Variants in ACOD1 observed in about 807,000 individuals in gnomAD.
ACOD1 encodes the protein aconitate decarboxylase 1, also known as cis-aconitate decarboxylase.
A neutral mutation model predicts 14.2 loss-of-function variants in ACOD1; 14 were observed. The ratio of observed to expected loss-of-function variants is 0.99; its 90% CI spans 0.65 to 1.54. The LOEUF (loss-of-function observed/expected upper bound fraction) is 1.54, where lower values mean the gene tolerates loss of function less well. ACOD1 is among the 40% of genes most tolerant of loss of function. The pLI is 0.00. For synonymous variants in ACOD1, 182 were observed against 221.7 expected, an observed-to-expected ratio of 0.82 and a Z score of 1.59; for missense variants, 530 against 586.3, an observed-to-expected ratio of 0.90 and a Z score of 0.99.
At chr13:76,951,605 T>A (rs1340717984) in intron 1 of ACOD1, among the ~76,000 whole-genome samples, 1 of 152,222 alleles carries the variant, frequency 6.6e-6, no homozygotes, top group African/African-American at 2.4e-5. Context: ...TATCCTTTTT[T>A]TCCTACTAAG....
At position 76,957,945 on chromosome 13, in the gene ACOD1, A is replaced by G; in HGVS notation, c.1406A>G (p.Asn469Ser). 6.5e-7 allele frequency: 1 copy of G among 1,546,532 alleles called. No individual in the cohort carries two copies. The highest frequency in any genetic ancestry group is 8.7e-7 in the Non-Finnish European group (1 of 1,145,730). ...CCCTCTCCACCAGAGGTAGCTTCAA[A>G]CTCTCCAGCATGTAATAATTCTATC... ...KGPSPPEVAS[N>S]SPACNNSITN... The change falls in exon 5 of 5, where the codon AAC becomes AGC. Residue 469 changes from asparagine (N) to serine (S), a missense_variant. Asn to Ser is a conservative substitution (Grantham distance 46, BLOSUM62 1). Coordinates refer to ENST00000377462, the MANE Select transcript of ACOD1 (RefSeq NM_001258406.2).
intron 1 of ACOD1, 90 bp downstream of exon 1, chr13:76,948,660 G>GAACT (rs1270595406): frequency 4.8e-6 from 5 of 1,049,836 alleles, no homozygotes; most frequent in Non-Finnish European, 7.1e-6. Context: ...CTCCTTTTAA[G>GAACT]AACTACCTGC....
chr13:76,957,199 A>G lies in ACOD1; in HGVS notation c.660A>G (p.Glu220=). ...GCAATGCTGCCAAGCATGGGATAGA[A>G]GCTGCATTTTTGGCAATGTTGGGTC... ...HIGNAAKHGI[E]AAFLAMLGLQ... is the part of the protein sequence containing the mutation. The change falls in exon 5 of 5, where the codon GAA becomes GAG. Residue 220 remains glutamate, a synonymous_variant. Transcript: ENST00000377462. The G allele has an allele frequency of 6.4e-7, 1 of 1,550,626 alleles. No individual in the cohort carries two copies. The highest frequency in any genetic ancestry group is 8.7e-7 in the Non-Finnish European group (1 of 1,146,996).
chr13:76,956,773 A>G (rs2033880426), intron 4 of ACOD1, among the ~76,000 whole-genome samples: 1 of 152,182 alleles, frequency 6.6e-6, no homozygotes, highest in African/African-American at 2.4e-5. Flanking sequence ...TTGGCCTCCC[A>G]AAGTCCTGGG....
At chr13:76,955,674 G>A (rs987935241) in intron 4 of ACOD1, 150 bp downstream of exon 4, 10 of 682,164 alleles carry the variant, frequency 1.5e-5, no homozygotes, top group East Asian at 1.1e-4. Context: ...AGTCACATAC[G>A]AAACCCTCTA....
chr13:76,951,544 G>C (rs998536563), intron 1 of ACOD1, among the ~76,000 whole-genome samples: 1 of 140,056 alleles, frequency 7.1e-6, no homozygotes, highest in Non-Finnish European at 1.5e-5. Flanking sequence ...TCAATGAATA[G>C]AACATTGATT....
chr13:76,956,961 C>A, intron 4 of ACOD1, 49 bp from the exon 5 acceptor site: 5 of 1,500,688 alleles, frequency 3.3e-6, no homozygotes, highest in Non-Finnish European at 4.5e-6. Flanking sequence ...ATCCTGCCTC[C>A]TGGTGGTTAC....
Position 76,955,562 on chromosome 13 carries a change from T to A in ACOD1, c.470+38T>A, listed in dbSNP as rs1013262746. 1.0e-5 allele frequency: 15 copies of A among 1,504,324 alleles called. No individual in the cohort carries two copies. In the African/African-American group the frequency reaches 2.1e-4, roughly 21 times the overall value. The allele number at this position is 1,504,324 out of a possible 1,614,324, so 93.2% of individuals were successfully genotyped here. ...TTTGCCCCATCAAAAGGTAGTCACA[T>A]CCCCTTCATCTATCAATCATTATCT... On this transcript the variant is annotated intron_variant, in intron 4 of 4. Coordinates refer to ENST00000377462, the MANE Select transcript of ACOD1 (RefSeq NM_001258406.2).
chr13:76,952,722 C>T (rs1295639161), intron 2 of ACOD1, 72 bp downstream of exon 2: 17 of 1,297,600 alleles, frequency 1.3e-5, no homozygotes, highest in Middle Eastern at 2.4e-4. Context: ...CTCTATACTT[C>T]GTTTTATAGA....
In ACOD1 at chr13:76,957,636, T is replaced by C. The variant is rs1453284054; in HGVS notation, c.1097T>C (p.Leu366Pro). 1.9e-6 allele frequency: 3 copies of C among 1,550,608 alleles called. No individual in the cohort carries two copies. The highest frequency in any genetic ancestry group is 8.7e-7 in the Non-Finnish European group (1 of 1,147,004). ...AACAGGCCACAGGTGAGAGAGCTGC[T>C]CAGTAAGGTGGAGCTGGAGTACCCT... ...QINRPQVREL[L>P]SKVELEYPPD... The change falls in exon 5 of 5, where the codon CTC (leucine) becomes CCC (proline). Residue 366 changes from leucine to proline, a missense_variant. Coordinates refer to ENST00000377462, the MANE Select transcript of ACOD1 (RefSeq NM_001258406.2).
chr13:76,957,527 GC>G lies in ACOD1; in HGVS notation c.991del (p.Arg331ValfsTer32). 6.4e-7 allele frequency: 1 copy of G among 1,550,622 alleles called. No homozygotes were observed. Reference sequence around the variant, plus strand: ...GCCCTTTCCAGTTTCGGAGCATGAAGCCCGTCATTCATTCCAGTATGTGGCC... The same window carrying G: ...GCCCTTTCCAGTTTCGGAGCATGAAGCCGTCATTCATTCCAGTATGTGGCC... ...NRPFPVSEHE[A>X]RHSFQYVACA... On this transcript the variant is annotated frameshift_variant, in exon 5 of 5. Coordinates refer to ENST00000377462, the MANE Select transcript of ACOD1 (RefSeq NM_001258406.2). LOFTEE classifies it low-confidence loss of function (END_TRUNC).
chr13:76,956,050 G>A (rs868668605), intron 4 of ACOD1, among the ~76,000 whole-genome samples: 8 of 152,200 alleles, frequency 5.3e-5, no homozygotes, highest in African/African-American at 1.9e-4. Flanking sequence ...CAGTGACTTA[G>A]ATGAGATCTC....
intron 1 of ACOD1, among the ~76,000 whole-genome samples, chr13:76,950,029 T>C (rs1425356520): frequency 6.6e-6 from 1 of 151,996 alleles, no homozygotes; most frequent in African/African-American, 2.4e-5. Context: ...AAATAGCCCA[T>C]CCTTTTGAAA....
intron 1 of ACOD1, among the ~76,000 whole-genome samples, chr13:76,949,069 C>A (rs2033798062): frequency 6.6e-6 from 1 of 152,022 alleles, no homozygotes; most frequent in South Asian, 2.1e-4. Context: ...AGATCGACAC[C>A]ATGCTCGCTA....
chr13:76,957,334 C>T lies in ACOD1; in HGVS notation c.795C>T (p.Asp265=), dbSNP rs2033888144. The T allele has an allele frequency of 6.4e-7, 1 of 1,550,642 alleles. No individual in the cohort carries two copies. Residue 265 remains aspartate (D), a synonymous_variant, in exon 5 of 5, where the codon GAC becomes GAT. Transcript: ENST00000377462. ...PSIASYSWLL[D]QQDVAFKRFP... The stretch of plus-strand genomic sequence containing the variant: ...TAGCTTCCTACAGTTGGCTGCTGGA[C>T]CAGCAGGACGTGGCCTTTAAGCGTT...
At chr13:76,948,648 C>A in intron 1 of ACOD1, 78 bp downstream of exon 1, 2 of 1,232,558 alleles carry the variant, frequency 1.6e-6, no homozygotes, top group Non-Finnish European at 2.3e-6. Context: ...TTCAGTTGCC[C>A]TCTCCTTTTA....
Position 76,957,802 on chromosome 13 carries a change from G to T in ACOD1, c.1263G>T (p.Lys421Asn). ...KPLSQEDLEE[K>N]FRANASKMLS... ...TGAGCCAGGAGGACCTAGAGGAAAA[G>T]TTCAGAGCCAATGCCTCCAAGATGC... Residue 421 changes from lysine to asparagine, a missense_variant, in exon 5 of 5, where the codon AAG becomes AAT. By Grantham distance (94) the Lys-to-Asn change is moderately conservative. Coordinates refer to ENST00000377462, the MANE Select transcript of ACOD1 (RefSeq NM_001258406.2). 1 of 1,550,980 alleles carries T rather than the reference G, an allele frequency of 6.4e-7. No individual in the cohort carries two copies.
At chr13:76,953,835 A>G (rs372862219) in intron 3 of ACOD1, 146 bp downstream of exon 3, 2 of 575,514 alleles carry the variant, frequency 3.5e-6, no homozygotes. Context: ...CCTCTCTCCT[A>G]TGTAGTAATT....
Position 76,953,681 on chromosome 13 carries a change from G to C in ACOD1, c.256G>C (p.Gly86Arg). The C allele has an allele frequency of 6.5e-7, 1 of 1,541,122 alleles. No individual in the cohort carries two copies. Among genetic ancestry groups the C allele is most frequent in the East Asian group, 2.5e-5 (1 of 40,734 alleles). The change falls in exon 3 of 5, where the codon GGT becomes CGT. Residue 86 changes from glycine to arginine, a missense_variant. Gly to Arg is a moderately radical substitution (Grantham distance 125, BLOSUM62 -2). Transcript: ENST00000377462. Reference sequence around the variant, plus strand: ...GCCCACATATGCTGCTTTTGTGAACGGTGTGGCTGTAAGGAGGTTTTCACG... The same window carrying C: ...GCCCACATATGCTGCTTTTGTGAACCGTGTGGCTGTAAGGAGGTTTTCACG... ...LPPTYAAFVNGVAIHSMDFDD... is the reference protein window; with the variant it reads ...LPPTYAAFVNRVAIHSMDFDD...
Sources: gnomAD v4.1 joint callset for allele counts (sites outside exome capture counted in the v4.1 genomes callset) on GRCh38, gnomAD v4.1.1 for gene constraint, MANE v1.5 for transcripts, NCBI Gene and HGNC (gene_info 2026-07-23, HGNC 2026-07-21) for gene names.